Variants in CPNE8 observed in about 807,000 individuals in gnomAD.
CPNE8 encodes the protein copine 8.
A neutral mutation model predicts 81.5 loss-of-function variants in CPNE8; 45 were observed. The observed-to-expected ratio is 0.55, with a 90% CI of 0.44 to 0.71. CPNE8 has a LOEUF of 0.71. CPNE8 is among the 30% of genes least tolerant of loss of function. The pLI, the probability that CPNE8 is intolerant of heterozygous loss-of-function variation, is 0.00. For missense variants in CPNE8, 594 were observed against 672.1 expected (o/e 0.88, Z 1.28); for synonymous variants, 252 against 226.3 (o/e 1.11, Z -1.02).
chr12:38,677,402 A>G, intron 17 of CPNE8, 50 bp downstream of exon 17: 1 of 944,098 alleles, frequency 1.1e-6, no homozygotes, highest in South Asian at 1.3e-5. Context: ...CTCTCTAAGT[A>G]GCACCATGTT....
chr12:38,826,306 A>G (rs987910780), intron 6 of CPNE8, among the ~76,000 whole-genome samples: 12 of 152,204 alleles, frequency 7.9e-5, no homozygotes, highest in Non-Finnish European at 2.9e-5. Context: ...TTTCAGTAAG[A>G]AAGATAGAAC....
Position 38,723,768 on chromosome 12 carries a change from T to G in CPNE8, c.914+4A>C, listed in dbSNP as rs769806861. 3 of 1,559,072 alleles carry G rather than the reference T, an allele frequency of 1.9e-6. No individual in the cohort carries two copies. Among genetic ancestry groups the G allele is most frequent in the Non-Finnish European group, 2.6e-6 (3 of 1,133,982 alleles). On this transcript the variant is annotated splice_donor_region_variant and intron_variant, in intron 13 of 19. Transcript: ENST00000331366. The stretch of plus-strand genomic sequence containing the variant: ...CAACGAAACAATTTGAGAGAATTAC[T>G]TACCCTCCCTTAATGTAGTCAAGGA...
chr12:38,805,974 C>G (rs976856644), intron 6 of CPNE8, among the ~76,000 whole-genome samples: 2 of 150,142 alleles, frequency 1.3e-5, no homozygotes, highest in Non-Finnish European at 3.0e-5. Flanking sequence ...ACTACAAACA[C>G]CTCTACGCAA....
intron 6 of CPNE8, among the ~76,000 whole-genome samples, chr12:38,826,757 T>G (rs1943200873): frequency 6.6e-6 from 1 of 152,096 alleles, no homozygotes; most frequent in Non-Finnish European, 1.5e-5. Context: ...AATATGATTT[T>G]CCACTGGTAA....
At chr12:38,883,101 T>G (rs528263732) in intron 1 of CPNE8, among the ~76,000 whole-genome samples, 2 of 152,356 alleles carry the variant, frequency 1.3e-5, no homozygotes, top group Non-Finnish European at 2.9e-5. Flanking sequence ...AAATAAATCA[T>G]TTCACTTAAC....
intron 6 of CPNE8, among the ~76,000 whole-genome samples, chr12:38,823,727 T>C (rs771871429): frequency 3.9e-5 from 6 of 152,230 alleles, no homozygotes; most frequent in South Asian, 4.1e-4. Flanking sequence ...TAATAAATAT[T>C]TTCCTCCCAG....
At chr12:38,838,941 C>T (rs1238610756) in intron 5 of CPNE8, among the ~76,000 whole-genome samples, 1 of 152,064 alleles carries the variant, frequency 6.6e-6, no homozygotes, top group African/African-American at 2.4e-5. Context: ...CTCCCCTTCT[C>T]CAAACTTCAT....
At chr12:38,692,459 T>C (rs1488244328) in intron 15 of CPNE8, among the ~76,000 whole-genome samples, 1 of 152,218 alleles carries the variant, frequency 6.6e-6, no homozygotes. Context: ...CTCTCAAATA[T>C]GAATATCCAA....
At chr12:38,835,773 A>G (rs777178680) in intron 5 of CPNE8, among the ~76,000 whole-genome samples, 1 of 152,182 alleles carries the variant, frequency 6.6e-6, no homozygotes, top group African/African-American at 2.4e-5. Flanking sequence ...GTGAAAGCTT[A>G]TATTTATAAT....
At chr12:38,803,833 AC>A (rs1391752440) in intron 6 of CPNE8, among the ~76,000 whole-genome samples, 1 of 47,264 alleles carries the variant, frequency 2.1e-5, no homozygotes, top group African/African-American at 4.7e-5. Flanking sequence ...AAATCAATGT[AC>A]AAAAATCACA....
intron 4 of CPNE8, among the ~76,000 whole-genome samples, chr12:38,845,841 G>A (rs372611189): frequency 5.3e-5 from 8 of 152,258 alleles, no homozygotes; most frequent in Non-Finnish European, 7.4e-5. Flanking sequence ...ATCTTCTGCA[G>A]GTAACCCTTT....
intron 10 of CPNE8, among the ~76,000 whole-genome samples, chr12:38,759,776 T>TA: frequency 1.3e-5 from 2 of 152,294 alleles, no homozygotes; most frequent in Admixed American, 1.3e-4. Flanking sequence ...CCAGGACACT[T>TA]ATTGCACAGT....
At chr12:38,685,663 G>T in intron 15 of CPNE8, 46 bp from the exon 16 acceptor site, 1 of 1,584,994 alleles carries the variant, frequency 6.3e-7, no homozygotes, top group Non-Finnish European at 8.6e-7. Flanking sequence ...CAGTAAAAAA[G>T]TAAATCTCCA....
intron 6 of CPNE8, among the ~76,000 whole-genome samples, chr12:38,799,668 T>G (rs1185591589): frequency 6.6e-6 from 1 of 151,880 alleles, no homozygotes; most frequent in Admixed American, 6.6e-5. Context: ...GATGGCCGAA[T>G]AGGAACAGCT....
At chr12:38,878,802 T>C (rs535574998) in intron 1 of CPNE8, among the ~76,000 whole-genome samples, 1 of 152,332 alleles carries the variant, frequency 6.6e-6, no homozygotes, top group Admixed American at 6.5e-5. Context: ...AAATAATCTA[T>C]GGCCAAGACC....
chr12:38,866,704 T>G (rs1011600412), intron 3 of CPNE8, among the ~76,000 whole-genome samples: 1 of 152,176 alleles, frequency 6.6e-6, no homozygotes, highest in Admixed American at 6.5e-5. Flanking sequence ...CACATACATG[T>G]TCTCACATTT....
intron 19 of CPNE8, among the ~76,000 whole-genome samples, chr12:38,667,258 T>C (rs1216503417): frequency 6.6e-6 from 1 of 152,182 alleles, no homozygotes; most frequent in African/African-American, 2.4e-5. Context: ...TTTTAGAGAA[T>C]TGGTTTACAA....
At chr12:38,792,881 C>T (rs775780149) in intron 6 of CPNE8, among the ~76,000 whole-genome samples, 1 of 151,774 alleles carries the variant, frequency 6.6e-6, no homozygotes, top group Non-Finnish European at 1.5e-5. Flanking sequence ...AAGAATTATA[C>T]ACCATCACCA....
intron 5 of CPNE8, among the ~76,000 whole-genome samples, chr12:38,838,338 G>A (rs1410268112): frequency 6.6e-6 from 1 of 152,072 alleles, no homozygotes; most frequent in African/African-American, 2.4e-5. Flanking sequence ...GCCTGAGAGA[G>A]AGAAAGAGAA....
Sources: allele counts gnomAD v4.1 joint callset (sites outside exome capture counted in the v4.1 genomes callset), GRCh38; gene constraint gnomAD v4.1.1; transcripts MANE v1.5; gene names NCBI Gene and HGNC (gene_info 2026-07-23, HGNC 2026-07-21).